Variants in CACNA2D1 observed in about 807,000 individuals in gnomAD.
The protein encoded by CACNA2D1 is calcium voltage-gated channel auxiliary subunit alpha2delta 1, also known as voltage-dependent calcium channel subunit alpha-2/delta-1.
Under a neutral mutation model 171.5 loss-of-function variants are expected in CACNA2D1, and 53 were observed. The ratio of observed to expected loss-of-function variants is 0.31; its 90% confidence interval spans 0.25 to 0.39. The LOEUF is 0.39. Among genes scored for constraint, CACNA2D1 ranks in the 10% least tolerant of loss-of-function variants. The probability of loss-of-function intolerance (pLI) is 1.00; values close to 1 mark genes in which losing one functional copy is unlikely to be tolerated. For synonymous variants in CACNA2D1, 442 were observed against 443.1 expected (o/e 1.00, Z 0.03); for missense variants, 903 against 1,299.8 (o/e 0.69, Z 4.69).
intron 3 of CACNA2D1, among the ~76,000 whole-genome samples, chr7:82,245,544 G>T (rs1210576312): frequency 1.3e-5 from 2 of 151,894 alleles, no homozygotes; most frequent in Non-Finnish European, 2.9e-5. Context: ...TCTGTTTTAT[G>T]AATACAAAAA....
chr7:82,093,931 T>A (rs1374767462), intron 6 of CACNA2D1, among the ~76,000 whole-genome samples: 4 of 152,114 alleles, frequency 2.6e-5, no homozygotes, highest in Non-Finnish European at 5.9e-5. Flanking sequence ...CCCAACTGCA[T>A]AAGAAATTTA....
At chr7:82,137,671 A>G (rs555652098) in intron 4 of CACNA2D1, among the ~76,000 whole-genome samples, 1 of 146,500 alleles carries the variant, frequency 6.8e-6, no homozygotes, top group East Asian at 2.0e-4. Flanking sequence ...GGAGATCGAG[A>G]CCATCCTGGC....
At chr7:82,437,160 A>G (rs999734333) in intron 1 of CACNA2D1, among the ~76,000 whole-genome samples, 21 of 152,160 alleles carry the variant, frequency 1.4e-4, no homozygotes, top group Non-Finnish European at 2.6e-4. Context: ...TAAGAGAAAC[A>G]CATTTTAAAA....
At chr7:82,380,246 C>A (rs1273640439) in intron 1 of CACNA2D1, among the ~76,000 whole-genome samples, 2 of 152,118 alleles carry the variant, frequency 1.3e-5, no homozygotes, top group Non-Finnish European at 2.9e-5. Flanking sequence ...TTGTGATCAA[C>A]TGGAAAGGTA....
intron 38 of CACNA2D1, among the ~76,000 whole-genome samples, chr7:81,953,683 C>G (rs1334326490): frequency 6.6e-6 from 1 of 151,968 alleles, no homozygotes; most frequent in African/African-American, 2.4e-5. Flanking sequence ...TGGTTAGAAA[C>G]ACTATGAGGT....
In CACNA2D1 at chr7:81,959,267, G is replaced by A. The variant is rs373122698; in HGVS notation, c.3159+8C>T. The A allele has an allele frequency of 1.3e-6, 2 of 1,572,120 alleles. No homozygotes were observed. The highest frequency in any genetic ancestry group is 1.8e-6 in the Non-Finnish European group (2 of 1,141,872). On this transcript the variant is annotated splice_region_variant and intron_variant, in intron 38 of 38. Transcript: ENST00000356860. ...TAGTATTTTAATCCAGTAGAAGTGTGATCTTACCAAGACATTGTTATCAAA... is the reference window on the plus strand; with the variant it reads ...TAGTATTTTAATCCAGTAGAAGTGTAATCTTACCAAGACATTGTTATCAAA...
At position 82,152,827 on chromosome 7, in the gene CACNA2D1, G is replaced by C. The variant is rs545382019; in HGVS notation, c.355-16151C>G. ...TTTAGTTAAATGCATTATATGTTTCGATGGTTACTTCCAATTTTACATATA... is the reference window on the plus strand; with the variant it reads ...TTTAGTTAAATGCATTATATGTTTCCATGGTTACTTCCAATTTTACATATA... On this transcript the variant is annotated intron_variant, in intron 4 of 38. Transcript: ENST00000356860. Among the ~76,000 whole-genome samples the C allele has an allele frequency of 2.0e-5, 3 of 151,768 alleles. No individual in the cohort carries two copies. In the South Asian group the frequency reaches 6.2e-4, roughly 32 times the overall value.
intron 3 of CACNA2D1, among the ~76,000 whole-genome samples, chr7:82,180,995 G>A (rs1247514581): frequency 7.3e-6 from 1 of 136,344 alleles, no homozygotes; most frequent in African/African-American, 2.7e-5. Context: ...TAACTCTGGT[G>A]TTGGCCATTA....
chr7:81,965,498 A>G, intron 32 of CACNA2D1, 96 bp downstream of exon 32: 1 of 774,918 alleles, frequency 1.3e-6, no homozygotes, highest in Non-Finnish European at 2.4e-6. Flanking sequence ...AAATAAAACA[A>G]CTCATCGATT....
intron 11 of CACNA2D1, among the ~76,000 whole-genome samples, chr7:82,037,247 G>A (rs778495601): frequency 3.3e-5 from 5 of 152,232 alleles, no homozygotes; most frequent in Non-Finnish European, 5.9e-5. Flanking sequence ...GGGAGGCCAA[G>A]GCGGGTGGAT....
chr7:82,162,825 T>G (rs939093911), intron 4 of CACNA2D1, among the ~76,000 whole-genome samples: 1 of 151,926 alleles, frequency 6.6e-6, no homozygotes, highest in African/African-American at 2.4e-5. Flanking sequence ...CGGGGTCAGC[T>G]TTCCTGGGTA....
At chr7:82,262,139 G>C (rs1238230518) in intron 3 of CACNA2D1, among the ~76,000 whole-genome samples, 1 of 152,120 alleles carries the variant, frequency 6.6e-6, no homozygotes, top group Non-Finnish European at 1.5e-5. Context: ...AGACCATCCT[G>C]GCTAACACGG....
intron 1 of CACNA2D1, among the ~76,000 whole-genome samples, chr7:82,430,762 G>A (rs902479527): frequency 1.3e-5 from 2 of 152,102 alleles, no homozygotes; most frequent in African/African-American, 2.4e-5. Flanking sequence ...TATTGGTTGC[G>A]AAAAACGCAA....
intron 3 of CACNA2D1, among the ~76,000 whole-genome samples, chr7:82,205,582 T>C (rs1360813989): frequency 1.3e-5 from 2 of 152,164 alleles, no homozygotes; most frequent in African/African-American, 4.8e-5. Context: ...CACACACACA[T>C]ATTTGCTATA....
chr7:82,365,129 A>T (rs1222038824), intron 1 of CACNA2D1, among the ~76,000 whole-genome samples: 12 of 152,174 alleles, frequency 7.9e-5, no homozygotes, highest in Admixed American at 7.9e-4. Flanking sequence ...AGTTGGGAGA[A>T]GTGGGGAAGA....
intron 10 of CACNA2D1, among the ~76,000 whole-genome samples, chr7:82,045,896 C>T (rs7787661): frequency 0.027 from 4,150 of 152,122 alleles, 177 homozygotes; most frequent in African/African-American, 0.087. Flanking sequence ...GAGCTCAACC[C>T]CAAGCGCAAA....
At chr7:82,363,254 CTTTTTTTTT>C (rs35419275) in intron 1 of CACNA2D1, among the ~76,000 whole-genome samples, 22 of 63,432 alleles carry the variant, frequency 3.5e-4, no homozygotes, top group East Asian at 2.9e-3. Flanking sequence ...TTATTTGTCT[CTTTTTTTTT>C]TTTTTTTTTT....
chr7:82,110,311 G>A (rs868667469), intron 6 of CACNA2D1, among the ~76,000 whole-genome samples: 1 of 152,192 alleles, frequency 6.6e-6, no homozygotes. Context: ...CATGAGTGTG[G>A]AGCACCTACA....
chr7:82,387,640 C>T (rs1824561035), intron 1 of CACNA2D1, among the ~76,000 whole-genome samples: 1 of 152,124 alleles, frequency 6.6e-6, no homozygotes, highest in African/African-American at 2.4e-5. Flanking sequence ...TAGAATTGTA[C>T]TTCTGAGACA....
Sources: allele counts gnomAD v4.1 joint callset (sites outside exome capture counted in the v4.1 genomes callset), GRCh38; gene constraint gnomAD v4.1.1; transcripts MANE v1.5; gene names NCBI Gene and HGNC (gene_info 2026-07-23, HGNC 2026-07-21).